The following DUSP22 variants were observed in gnomAD, a reference collection of about 807,000 sequenced individuals.
DUSP22 encodes dual specificity phosphatase 22, also known as dual specificity protein phosphatase 22.
A neutral mutation model predicts 24.5 loss-of-function variants in DUSP22; 24 were observed. The observed-to-expected ratio is 0.98, with a 90% CI of 0.71 to 1.38. The LOEUF is 1.38. DUSP22 is among the 40% of genes most tolerant of loss of function. The pLI is 0.00. For synonymous variants in DUSP22, 160 were observed against 106.4 expected (o/e 1.50, Z -3.10); for missense variants, 330 against 269.2 (o/e 1.23, Z -1.58).
chr6:302,281 G>A (rs925189926), intron 1 of DUSP22, among the ~76,000 whole-genome samples: 5 of 152,418 alleles, frequency 3.3e-5, no homozygotes, highest in East Asian at 1.9e-4. Flanking sequence ...CTTAGGCGTC[G>A]TATTCCATTT....
At chr6:323,557 C>T (rs1758707352) in intron 3 of DUSP22, among the ~76,000 whole-genome samples, 1 of 152,298 alleles carries the variant, frequency 6.6e-6, no homozygotes, top group Admixed American at 6.5e-5. Context: ...TCCACAAGGC[C>T]CTTGGCTCCT....
At chr6:293,288 C>T (rs1757179203) in intron 1 of DUSP22, among the ~76,000 whole-genome samples, 1 of 152,294 alleles carries the variant, frequency 6.6e-6, no homozygotes, top group African/African-American at 2.4e-5. Flanking sequence ...CCTTTCCCGT[C>T]CAGGGAAGTT....
chr6:338,473 A>G (rs1175843667), intron 4 of DUSP22, among the ~76,000 whole-genome samples: 2 of 152,304 alleles, frequency 1.3e-5, no homozygotes, highest in Non-Finnish European at 2.9e-5. Context: ...TTTATTACCA[A>G]GTATCAGGTG....
chr6:314,476 A>G (rs1213087899), intron 3 of DUSP22, among the ~76,000 whole-genome samples: 3 of 152,312 alleles, frequency 2.0e-5, no homozygotes, highest in Admixed American at 6.5e-5. Context: ...AAACATCTCA[A>G]TGAGTTTAAA....
At chr6:302,926 CAGG>C (rs1176912161) in intron 1 of DUSP22, among the ~76,000 whole-genome samples, 7 of 152,286 alleles carry the variant, frequency 4.6e-5, no homozygotes, top group Non-Finnish European at 1.0e-4. Flanking sequence ...GGTGGAGGAA[CAGG>C]AGCTTGGTGG....
At chr6:345,403 T>A (rs1330681384) in intron 4 of DUSP22, among the ~76,000 whole-genome samples, 1 of 152,296 alleles carries the variant, frequency 6.6e-6, no homozygotes, top group Non-Finnish European at 1.5e-5. Flanking sequence ...AGAGACAGGG[T>A]TTCACCATGT....
At chr6:310,706 T>C (rs1758043321) in intron 2 of DUSP22, among the ~76,000 whole-genome samples, 1 of 152,306 alleles carries the variant, frequency 6.6e-6, no homozygotes, top group African/African-American at 2.4e-5. Flanking sequence ...TTTTAAGAAT[T>C]CTCATCATTA....
At chr6:295,270 C>A (rs867962496) in intron 1 of DUSP22, among the ~76,000 whole-genome samples, 10 of 152,276 alleles carry the variant, frequency 6.6e-5, no homozygotes, top group African/African-American at 1.4e-4. Context: ...GGCAAAAGAG[C>A]ATTTCTGGTC....
chr6:329,003 CAT>C (rs1265582660), intron 3 of DUSP22, among the ~76,000 whole-genome samples: 1 of 152,308 alleles, frequency 6.6e-6, no homozygotes. Context: ...ATGTGAAAGT[CAT>C]ACCTGGAGGA....
chr6:307,674 C>G (rs1322257875), intron 2 of DUSP22, among the ~76,000 whole-genome samples: 1 of 152,308 alleles, frequency 6.6e-6, no homozygotes, highest in Admixed American at 6.5e-5. Context: ...GCACCAGCGA[C>G]AGTAGATGTC....
rs1760036693 is a variant in DUSP22, at chr6:349,064, G to A, written c.*113G>A. Reference sequence around the variant, plus strand: ...AGGAAAGGGAGATAGCCAGGGCGAGGTGGGGCGAGGGCTCCTTCCCCCAAG... The same window carrying A: ...AGGAAAGGGAGATAGCCAGGGCGAGATGGGGCGAGGGCTCCTTCCCCCAAG... On this transcript the variant is annotated 3_prime_UTR_variant, in exon 7 of 7. Transcript: ENST00000419235. 6.7e-7 allele frequency: 1 copy of A among 1,483,974 alleles called. No homozygotes were observed. 91.9% of individuals were successfully genotyped at this position (1,483,974 alleles called of 1,614,324 possible).
chr6:313,563 C>T (rs1758203179), intron 3 of DUSP22, among the ~76,000 whole-genome samples: 2 of 152,300 alleles, frequency 1.3e-5, no homozygotes, highest in African/African-American at 4.8e-5. Flanking sequence ...TCTGTAAGGA[C>T]AAATTCTGCC....
intron 2 of DUSP22, among the ~76,000 whole-genome samples, chr6:311,156 G>A (rs1219925224): frequency 6.6e-6 from 1 of 152,308 alleles, no homozygotes; most frequent in African/African-American, 2.4e-5. Context: ...TTAGTGCCTG[G>A]CTATACGATA....
Position 348,097 on chromosome 6 carries a change from C to G in DUSP22, c.264-6C>G. The G allele has an allele frequency of 6.2e-7, 1 of 1,614,048 alleles. No homozygotes were observed. The highest frequency in any genetic ancestry group is 8.5e-7 in the Non-Finnish European group (1 of 1,179,906). On this transcript the variant is annotated splice_region_variant and splice_polypyrimidine_tract_variant and intron_variant, in intron 5 of 6. Transcript: ENST00000419235. ...CCTCACACATGTGCTTCTCTTGGCCCCGCAGCCTGGCCGGGGTCTCCAGGA... is the reference window on the plus strand; with the variant it reads ...CCTCACACATGTGCTTCTCTTGGCCGCGCAGCCTGGCCGGGGTCTCCAGGA...
chr6:317,582 G>T, intron 3 of DUSP22, among the ~76,000 whole-genome samples: 1 of 152,420 alleles, frequency 6.6e-6, no homozygotes, highest in East Asian at 1.9e-4. Context: ...TCTTCAGTTT[G>T]TACTCTCAGT....
At chr6:294,992 A>G (rs1055147595) in intron 1 of DUSP22, among the ~76,000 whole-genome samples, 3 of 152,284 alleles carry the variant, frequency 2.0e-5, no homozygotes, top group Admixed American at 6.5e-5. Context: ...ATTAGTGGCA[A>G]AGTAGATCGC....
chr6:294,055 C>T (rs570626351), intron 1 of DUSP22, among the ~76,000 whole-genome samples: 41 of 152,356 alleles, frequency 2.7e-4, no homozygotes, highest in African/African-American at 9.6e-4. Flanking sequence ...CACTCTCCAC[C>T]GTTTTCAGCA....
intron 3 of DUSP22, among the ~76,000 whole-genome samples, chr6:334,038 G>A (rs1459703777): frequency 6.6e-6 from 1 of 152,304 alleles, no homozygotes; most frequent in Non-Finnish European, 1.5e-5. Context: ...AGGAGTTAAT[G>A]GTAAAAGTTT....
At chr6:329,428 C>T (rs1383461400) in intron 3 of DUSP22, among the ~76,000 whole-genome samples, 2 of 152,308 alleles carry the variant, frequency 1.3e-5, no homozygotes, top group African/African-American at 4.8e-5. Flanking sequence ...GGCCACTGAA[C>T]TGTACGCCTT....
Sources: allele counts gnomAD v4.1 joint callset (sites outside exome capture counted in the v4.1 genomes callset), GRCh38; gene constraint gnomAD v4.1.1; transcripts MANE v1.5; gene names NCBI Gene and HGNC (gene_info 2026-07-23, HGNC 2026-07-21).